The following USP34 variants were observed in gnomAD, a reference collection of about 807,000 sequenced individuals.
USP34 encodes the protein ubiquitin carboxyl-terminal hydrolase 34.
In USP34, 70 loss-of-function variants were observed where a neutral mutation model predicts 460.3. The ratio of observed to expected loss-of-function variants is 0.15; its 90% CI spans 0.13 to 0.19. USP34 has a LOEUF of 0.19. Among genes scored for constraint, USP34 ranks in the 10% least tolerant of loss-of-function variants. The pLI, the probability that USP34 is intolerant of heterozygous loss-of-function variation, is 1.00. For synonymous variants in USP34, 1,647 were observed against 1,405.3 expected, an observed-to-expected ratio of 1.17 and a Z score of -3.85; for missense variants, 3,985 against 4,236.2, an observed-to-expected ratio of 0.94 and a Z score of 1.65.
chr2:61,338,279 C>T (rs1217903282), intron 18 of USP34, among the ~76,000 whole-genome samples: 9 of 152,182 alleles, frequency 5.9e-5, no homozygotes, highest in East Asian at 1.9e-4. Flanking sequence ...CAAGATCACA[C>T]GACTGGACTC....
chr2:61,304,986 C>T (rs945111665), intron 27 of USP34, among the ~76,000 whole-genome samples: 19 of 152,090 alleles, frequency 1.2e-4, no homozygotes, highest in African/African-American at 4.3e-4. Context: ...TGAAAACACA[C>T]GTCATTTTTC....
chr2:61,271,798 C>G (rs575981920), intron 41 of USP34, among the ~76,000 whole-genome samples: 1 of 152,186 alleles, frequency 6.6e-6, no homozygotes, highest in East Asian at 1.9e-4. Flanking sequence ...TATCATGTTT[C>G]TTTATAGAAA....
chr2:61,366,077 C>T (rs1033698255), intron 10 of USP34, among the ~76,000 whole-genome samples: 6 of 152,138 alleles, frequency 3.9e-5, no homozygotes, highest in Non-Finnish European at 8.8e-5. Context: ...AGGCATGCGC[C>T]GCCATGCCTG....
At chr2:61,253,994 C>T (rs2103888983) in intron 48 of USP34, among the ~76,000 whole-genome samples, 1 of 152,348 alleles carries the variant, frequency 6.6e-6, no homozygotes, top group East Asian at 1.9e-4. Context: ...CTTGGCCTCC[C>T]AAAGTACTGG....
At chr2:61,346,841 A>C (rs1691784932) in intron 15 of USP34, among the ~76,000 whole-genome samples, 2 of 147,674 alleles carry the variant, frequency 1.4e-5, no homozygotes, top group Non-Finnish European at 3.0e-5. Flanking sequence ...CAAAAAAAAA[A>C]AAAAAAAAAA....
intron 34 of USP34, among the ~76,000 whole-genome samples, chr2:61,286,377 C>A (rs763376466): frequency 2.0e-5 from 3 of 151,918 alleles, no homozygotes; most frequent in Non-Finnish European, 4.4e-5. Context: ...TAACATTGGC[C>A]CAGAGCGGTG....
At chr2:61,285,113 T>C (rs993911498) in intron 34 of USP34, among the ~76,000 whole-genome samples, 156 bp from the exon 35 acceptor site, 1 of 152,248 alleles carries the variant, frequency 6.6e-6, no homozygotes, top group African/African-American at 2.4e-5. Context: ...CAATAAAGAA[T>C]GTCGTAAGAA....
intron 42 of USP34, 39 bp from the exon 43 acceptor site, chr2:61,265,596 AAACT>A (rs1689023378): frequency 3.2e-6 from 5 of 1,562,094 alleles, no homozygotes; most frequent in African/African-American, 1.4e-5. Context: ...CCCCCCAAAC[AAACT>A]ATGAAACACA....
intron 1 of USP34, among the ~76,000 whole-genome samples, chr2:61,422,775 G>A (rs1271908866): frequency 1.3e-5 from 2 of 152,168 alleles, no homozygotes; most frequent in Non-Finnish European, 2.9e-5. Context: ...AAGGCGGGCA[G>A]ATCACTTGAG....
intron 41 of USP34, among the ~76,000 whole-genome samples, chr2:61,277,335 C>CA (rs1180407042): frequency 6.6e-6 from 1 of 151,240 alleles, no homozygotes; most frequent in Non-Finnish European, 1.5e-5. Flanking sequence ...CTCCTGAGCT[C>CA]AAGCAATCCT....
chr2:61,363,451 T>A (rs1296907640), intron 10 of USP34, among the ~76,000 whole-genome samples: 2 of 152,060 alleles, frequency 1.3e-5, no homozygotes, highest in Non-Finnish European at 2.9e-5. Flanking sequence ...GATGGTAGAG[T>A]CTACTACACA....
chr2:61,412,346 A>G (rs990575012), intron 2 of USP34, among the ~76,000 whole-genome samples: 3 of 152,126 alleles, frequency 2.0e-5, no homozygotes, highest in Non-Finnish European at 4.4e-5. Context: ...CGTTACTGAA[A>G]TAAGAATGAA....
At chr2:61,368,932 CACAA>C (rs1259099626) in intron 10 of USP34, among the ~76,000 whole-genome samples, 10 of 151,940 alleles carry the variant, frequency 6.6e-5, no homozygotes, top group African/African-American at 1.5e-4. Context: ...AAGTTGTAAT[CACAA>C]ACAAAAGATC....
chr2:61,399,147 G>A (rs1215467155), intron 3 of USP34, among the ~76,000 whole-genome samples: 1 of 151,958 alleles, frequency 6.6e-6, no homozygotes, highest in African/African-American at 2.4e-5. Context: ...GAGGTCAGGA[G>A]TTCAAGACCA....
Position 61,188,126 on chromosome 2 carries a change from G to T in USP34, c.10617C>A (p.Gly3539=). 1.2e-6 allele frequency: 2 copies of T among 1,613,380 alleles called. No individual in the cohort carries two copies. The highest frequency in any genetic ancestry group is 8.5e-7 in the Non-Finnish European group (1 of 1,179,602). The change falls in exon 80 of 80, where the codon GGC becomes GGA. Residue 3539 remains glycine (G), a synonymous_variant. Transcript: ENST00000398571. ...GTCAAGAAGCAGCTTGGTTTCCTTTGCCAGATATCCTTGTGACGACATGGA... is the reference window on the plus strand; with the variant it reads ...GTCAAGAAGCAGCTTGGTTTCCTTTTCCAGATATCCTTGTGACGACATGGA... ...STIHVVTRIS[G]KGNQAAS
At chr2:61,400,641 G>C (rs995930807) in intron 3 of USP34, among the ~76,000 whole-genome samples, 3 of 152,030 alleles carry the variant, frequency 2.0e-5, no homozygotes, top group African/African-American at 4.8e-5. Flanking sequence ...CCCAAAGCCA[G>C]GAGCTCAAAG....
chr2:61,290,518 A>C (rs1572904272), intron 33 of USP34, among the ~76,000 whole-genome samples: 1 of 152,262 alleles, frequency 6.6e-6, no homozygotes, highest in South Asian at 2.1e-4. Flanking sequence ...ACATTTAACA[A>C]CCTCAAAAAG....
In USP34 at chr2:61,296,533, T is replaced by C. The variant is rs145526689; in HGVS notation, c.4254+267A>G. Among the ~76,000 whole-genome samples the C allele has an allele frequency of 3.5e-3, 538 of 152,312 alleles. 2 individuals carry two copies. The highest frequency in any genetic ancestry group is 0.011 in the African/African-American group (445 of 41,568). Reference sequence around the variant, plus strand: ...AAACAATATTAAAAGCATACTGTAATATGAAAAAACACTAATATAAAATGT... The same window carrying C: ...AAACAATATTAAAAGCATACTGTAACATGAAAAAACACTAATATAAAATGT... On this transcript the variant is annotated intron_variant, in intron 30 of 79. Coordinates refer to ENST00000398571, the MANE Select transcript of USP34 (RefSeq NM_014709.4).
At chr2:61,344,066 G>A (rs745504517) in intron 15 of USP34, 37 bp from the exon 16 acceptor site, 10 of 1,587,054 alleles carry the variant, frequency 6.3e-6, no homozygotes, top group Admixed American at 1.7e-5. Flanking sequence ...TAGTAATTAC[G>A]AATGTGAATC....
Sources: gnomAD v4.1 joint callset for allele counts (sites outside exome capture counted in the v4.1 genomes callset) on GRCh38, gnomAD v4.1.1 for gene constraint, MANE v1.5 for transcripts, NCBI Gene and HGNC (gene_info 2026-07-23, HGNC 2026-07-21) for gene names.